GOLGA8H: variants seen among roughly 807,000 people sequenced by gnomAD.
GOLGA8H encodes golgin A8 family member H.
In GOLGA8H, 47 loss-of-function variants were observed where a neutral mutation model predicts 82.7. The ratio of observed to expected loss-of-function variants is 0.57; its 90% confidence interval spans 0.45 to 0.73. The LOEUF (loss-of-function observed/expected upper bound fraction) is 0.73. GOLGA8H is among the 30% of genes least tolerant of loss of function. The pLI, the probability that GOLGA8H is intolerant of heterozygous loss-of-function variation, is 0.00. For synonymous variants in GOLGA8H, 108 were observed against 241.6 expected, an observed-to-expected ratio of 0.45 and a Z score of 5.13; for missense variants, 372 against 661.0, an observed-to-expected ratio of 0.56 and a Z score of 4.79.
At position 30,614,984 on chromosome 15, in the gene GOLGA8H, TGTTTGATCTAATCTTA is replaced by T; in HGVS notation, c.*424_*439del. Among the ~76,000 whole-genome samples, 1 of 151,874 alleles carries T rather than the reference TGTTTGATCTAATCTTA, an allele frequency of 6.6e-6. No homozygotes were observed. Among genetic ancestry groups the T allele is most frequent in the Non-Finnish European group, 1.5e-5 (1 of 67,948 alleles). On this transcript the variant is annotated 3_prime_UTR_variant, in exon 19 of 19. Coordinates refer to ENST00000566740, the MANE Select transcript of GOLGA8H (RefSeq NM_001282490.2). Reference sequence around the variant, plus strand: ...ACAAAATTTGCCTATGTTCTGCTGTTGTTTGATCTAATCTTAATCACAGTGAGCTCTTCATTAGCTC... The same window carrying T: ...ACAAAATTTGCCTATGTTCTGCTGTTATCACAGTGAGCTCTTCATTAGCTC...
intron 11 of GOLGA8H, 126 bp from the exon 12 acceptor site, chr15:30,610,640 A>G (rs2060004461): frequency 1.4e-6 from 2 of 1,399,864 alleles, no homozygotes; most frequent in Non-Finnish European, 1.9e-6. Context: ...ACTGGCTACC[A>G]TCTGGGTGCG....
chr15:30,615,423 T>A lies in GOLGA8H; in HGVS notation c.*862T>A, dbSNP rs940559039. On this transcript the variant is annotated 3_prime_UTR_variant, in exon 19 of 19. Transcript: ENST00000566740. Reference sequence around the variant, plus strand: ...AAAGGTTCCCATCATTGACTGTGGATGTGGAAATCCTTTCCTAGCTTAGAG... The same window carrying A: ...AAAGGTTCCCATCATTGACTGTGGAAGTGGAAATCCTTTCCTAGCTTAGAG... Among the ~76,000 whole-genome samples, 1 of 152,006 alleles carries A rather than the reference T, an allele frequency of 6.6e-6. No homozygotes were observed. The highest frequency in any genetic ancestry group is 2.4e-5 in the African/African-American group (1 of 41,382).
chr15:30,609,118 CGT>C (rs57392338), intron 8 of GOLGA8H, among the ~76,000 whole-genome samples: 15,566 of 84,770 alleles, frequency 0.18, 1,796 homozygotes, highest in African/African-American at 0.27. Context: ...AACGTGTGTG[CGT>C]GTGTGTGTGT....
At position 30,608,900 on chromosome 15, in the gene GOLGA8H, T is replaced by G. The variant is rs2059970567; in HGVS notation, c.591+144T>G. 19 of 755,032 alleles carry G rather than the reference T, an allele frequency of 2.5e-5. 1 individual carries two copies. The highest frequency in any genetic ancestry group is 2.5e-4 in the South Asian group (17 of 67,954). 46.8% of individuals were successfully genotyped at this position (755,032 alleles called of 1,614,324 possible). A position where few individuals can be genotyped will look rare whatever the true frequency, so the allele number is the denominator to read the frequency against. On this transcript the variant is annotated intron_variant, in intron 8 of 18. Transcript: ENST00000566740. ...TGCTACTTTTTTGTATGGTTTTTAGTGGCAGCCTGGGGCTGAGTCAGCTGC... is the reference window on the plus strand; with the variant it reads ...TGCTACTTTTTTGTATGGTTTTTAGGGGCAGCCTGGGGCTGAGTCAGCTGC...
Position 30,616,203 on chromosome 15 carries a change from C to T in GOLGA8H, c.*1642C>T, listed in dbSNP as rs1378848027. Among the ~76,000 whole-genome samples, 3 of 151,208 alleles carry T rather than the reference C, an allele frequency of 2.0e-5. 1 individual carries two copies. Among genetic ancestry groups the T allele is most frequent in the South Asian group, 4.2e-4 (2 of 4,784 alleles). On this transcript the variant is annotated 3_prime_UTR_variant, in exon 19 of 19. Transcript: ENST00000566740. The stretch of plus-strand genomic sequence containing the variant: ...GGGAAAGACTCAACAGTTCAAACTT[C>T]ATGAAGTTCTAATGTCTGTGTTCCA...
Position 30,609,798 on chromosome 15 carries a change from C to G in GOLGA8H, c.592-8C>G, listed in dbSNP as rs749452978. On this transcript the variant is annotated splice_polypyrimidine_tract_variant and splice_region_variant and intron_variant, in intron 8 of 18. Transcript: ENST00000566740. ...CCAGATTGAAACTTCTCACTCTTCA[C>G]CATCCAGTTGTCCAGCCGCAGCAAA... is the stretch of plus-strand genomic sequence containing the variant. 12 of 1,501,610 alleles carry G rather than the reference C, an allele frequency of 8.0e-6. 1 individual carries two copies. The highest frequency in any genetic ancestry group is 5.6e-5 in the African/African-American group (4 of 71,706). 93.0% of individuals were successfully genotyped at this position (1,501,610 alleles called of 1,614,324 possible). A position where few individuals can be genotyped will look rare whatever the true frequency, so the allele number is the denominator to read the frequency against.
chr15:30,612,826 C>A, intron 14 of GOLGA8H, 154 bp downstream of exon 14: 1 of 992,276 alleles, frequency 1.0e-6, no homozygotes, highest in East Asian at 2.6e-5. Flanking sequence ...GTGTGGTGAC[C>A]TCCTGTGAGC....
intron 2 of GOLGA8H, among the ~76,000 whole-genome samples, 185 bp downstream of exon 2, chr15:30,606,147 G>A (rs563315884): frequency 2.6e-5 from 4 of 151,642 alleles, no homozygotes; most frequent in East Asian, 1.9e-4. Context: ...GAGGTCAGGC[G>A]ATCGAGACCA....
intron 11 of GOLGA8H, 94 bp from the exon 12 acceptor site, chr15:30,610,672 C>T: frequency 1.5e-6 from 1 of 655,018 alleles, no homozygotes; most frequent in African/African-American, 2.0e-5. Flanking sequence ...GCAGTGAGGC[C>T]AAGTTTGAGG....
rs1269920421 is a variant in GOLGA8H at position 30,609,874 on chromosome 15, GA to G, written c.663del (p.Val222CysfsTer3). Reference sequence around the variant, plus strand: ...AGTCCATGCGGGAGGAGGCACTACTGAAAGTGCAGCTGACACAGGTGAGGTT... The same window carrying G: ...AGTCCATGCGGGAGGAGGCACTACTGAAGTGCAGCTGACACAGGTGAGGTT... ...EQSMREEALL[K>X]VQLTQLKESF... On this transcript the variant is annotated frameshift_variant, in exon 9 of 19. Coordinates refer to ENST00000566740, the MANE Select transcript of GOLGA8H (RefSeq NM_001282490.2). LOFTEE classifies it high-confidence loss of function. 1 of 1,596,614 alleles carries G rather than the reference GA, an allele frequency of 6.3e-7. No individual in the cohort carries two copies. Among genetic ancestry groups the G allele is most frequent in the Non-Finnish European group, 8.6e-7 (1 of 1,167,874 alleles).
At chr15:30,612,535 G>T in intron 13 of GOLGA8H, 62 bp from the exon 14 acceptor site, 3 of 1,507,692 alleles carry the variant, frequency 2.0e-6, no homozygotes, top group Non-Finnish European at 2.7e-6. Context: ...TGCTGAGGAT[G>T]GGGCTGTGAG....
intron 8 of GOLGA8H, among the ~76,000 whole-genome samples, chr15:30,609,035 G>C (rs2059973739): frequency 7.4e-6 from 1 of 134,378 alleles, no homozygotes; most frequent in South Asian, 2.2e-4. Context: ...GTCCTAGGTG[G>C]GGTATTGGGT....
At chr15:30,610,130 C>G in intron 10 of GOLGA8H, 24 bp downstream of exon 10, 1 of 1,609,918 alleles carries the variant, frequency 6.2e-7, no homozygotes, top group African/African-American at 1.3e-5. Flanking sequence ...CTTCAGCCCC[C>G]CCACATTAGA....
rs906759379 is a variant in GOLGA8H at position 30,615,854 on chromosome 15, ATACT to A, written c.*1296_*1299del. 2.5e-4 allele frequency among the ~76,000 whole-genome samples: 37 copies of A among 145,508 alleles called. No individual in the cohort carries two copies. The highest frequency in any genetic ancestry group is 4.2e-4 in the Non-Finnish European group (28 of 66,366). ...ATTATTATAAACTAATATATGTGAG[ATACT>A]TAGTTGAAACAAAAAGGAGTTTTAG... is the stretch of plus-strand genomic sequence containing the variant. On this transcript the variant is annotated 3_prime_UTR_variant, in exon 19 of 19. Transcript: ENST00000566740.
intron 8 of GOLGA8H, among the ~76,000 whole-genome samples, chr15:30,609,049 T>G (rs983335338): frequency 3.8e-5 from 5 of 132,636 alleles, no homozygotes; most frequent in African/African-American, 1.5e-4. Flanking sequence ...ATTGGGTACT[T>G]CTACTGTGAA....
Position 30,610,111 on chromosome 15 carries a change from G to A in GOLGA8H, c.786+5G>A. 2 of 1,610,870 alleles carry A rather than the reference G, an allele frequency of 1.2e-6. No individual in the cohort carries two copies. Among genetic ancestry groups the A allele is most frequent in the Non-Finnish European group, 1.7e-6 (2 of 1,179,622 alleles). On this transcript the variant is annotated splice_donor_5th_base_variant and intron_variant, in intron 10 of 18. Transcript: ENST00000566740. ...ATGAGAAAAATGTCGCAGGAGGTGAGATCTCACCCTTCAGCCCCCCCACAT... is the reference window on the plus strand; with the variant it reads ...ATGAGAAAAATGTCGCAGGAGGTGAAATCTCACCCTTCAGCCCCCCCACAT...
intron 8 of GOLGA8H, 35 bp downstream of exon 8, chr15:30,608,791 C>T (rs1474128350): frequency 5.7e-6 from 8 of 1,395,142 alleles, no homozygotes; most frequent in Non-Finnish European, 7.8e-6. Flanking sequence ...CCCTGGGAGC[C>T]TGGCTTTGCA....
In GOLGA8H at chr15:30,611,587, A is replaced by G. The variant is rs553931240; in HGVS notation, c.1200+241A>G. On this transcript the variant is annotated intron_variant, in intron 13 of 18. Transcript: ENST00000566740. ...CCCAGCTAGAGGCATGGAGCCCCCA[A>G]TCACAGGGGAAGAGACAGTGCTATA... Among the ~76,000 whole-genome samples the G allele has an allele frequency of 1.3e-3, 201 of 149,810 alleles. 6 individuals carry two copies. Among genetic ancestry groups the G allele is most frequent in the Middle Eastern group, 3.6e-3 (1 of 280 alleles).
rs1294680855 is a variant in GOLGA8H at position 30,616,161 on chromosome 15, G to A, written c.*1600G>A. Among the ~76,000 whole-genome samples the A allele has an allele frequency of 3.3e-5, 5 of 151,828 alleles. No individual in the cohort carries two copies. The highest frequency in any genetic ancestry group is 9.7e-5 in the African/African-American group (4 of 41,312). The stretch of plus-strand genomic sequence containing the variant: ...ATTTCAGTTGTATATTGCCTAAATC[G>A]TAACTTGATGATGCTTGGGAAAGAC... On this transcript the variant is annotated 3_prime_UTR_variant, in exon 19 of 19. Coordinates refer to ENST00000566740, the MANE Select transcript of GOLGA8H (RefSeq NM_001282490.2).
Sources: gnomAD v4.1 joint callset for allele counts (sites outside exome capture counted in the v4.1 genomes callset) on GRCh38, gnomAD v4.1.1 for gene constraint, MANE v1.5 for transcripts, NCBI Gene and HGNC (gene_info 2026-07-23, HGNC 2026-07-21) for gene names.